The following SOX5 variants were observed in gnomAD, a reference collection of about 807,000 sequenced individuals.
SOX5 encodes the protein SRY-box transcription factor 5, also known as transcription factor SOX-5.
In SOX5, 9 loss-of-function variants were observed where a neutral mutation model predicts 92.0. The observed-to-expected ratio is 0.10, with a 90% confidence interval of 0.06 to 0.17. The LOEUF (loss-of-function observed/expected upper bound fraction) is 0.17, where lower values mean the gene tolerates loss of function less well. Among genes scored for constraint, SOX5 ranks in the 10% least tolerant of loss-of-function variants. The pLI is 1.00. For missense variants in SOX5, 642 were observed against 944.5 expected (o/e 0.68, Z 4.20); for synonymous variants, 344 against 336.3 (o/e 1.02, Z -0.25).
rs1555289199 is a variant in SOX5 at position 23,719,801 on chromosome 12, A to AAAC, written c.810+14882_810+14883insGTT. ...CCAGCTATTTACCAAAAAAAAAAAA[A>AAAC]AAAAAAAAAACTGATGGATAGTTAT... On this transcript the variant is annotated intron_variant, in intron 6 of 14. Coordinates refer to ENST00000451604, the MANE Select transcript of SOX5 (RefSeq NM_006940.6). Among the ~76,000 whole-genome samples, 9 of 150,152 alleles carry AAAC rather than the reference A, an allele frequency of 6.0e-5. No individual in the cohort carries two copies. The South Asian group carries it at 1.9e-3, about 32-fold the overall frequency.
At chr12:24,466,737 G>T (rs1167820516) in intron 1 of SOX5, among the ~76,000 whole-genome samples, 1 of 152,122 alleles carries the variant, frequency 6.6e-6, no homozygotes, top group East Asian at 1.9e-4. Context: ...GATTACCCAT[G>T]ACATTTTTCA....
chr12:23,693,372 C>T (rs753423809), intron 6 of SOX5, among the ~76,000 whole-genome samples: 4 of 152,148 alleles, frequency 2.6e-5, no homozygotes, highest in Non-Finnish European at 2.9e-5. Context: ...GATCCACCTG[C>T]CTCAGCCTCC....
chr12:23,947,466 T>C (rs1038758057), intron 1 of SOX5, among the ~76,000 whole-genome samples: 8 of 152,076 alleles, frequency 5.3e-5, no homozygotes, highest in Middle Eastern at 3.4e-3. Flanking sequence ...TGGGTGCCTA[T>C]AGAGACACTC....
At chr12:24,559,636 T>C (rs1161909181) in intron 1 of SOX5, among the ~76,000 whole-genome samples, 3 of 152,080 alleles carry the variant, frequency 2.0e-5, no homozygotes, top group Admixed American at 1.3e-4. Flanking sequence ...TTCCTTTAAC[T>C]GGAAAAGGTA....
intron 3 of SOX5, among the ~76,000 whole-genome samples, chr12:23,816,625 C>A: frequency 6.6e-6 from 1 of 152,104 alleles, no homozygotes; most frequent in Non-Finnish European, 1.5e-5. Flanking sequence ...GAGGTAAAGG[C>A]ATTGCAACCA....
At chr12:23,825,156 T>C (rs1174210791) in intron 3 of SOX5, among the ~76,000 whole-genome samples, 2 of 152,042 alleles carry the variant, frequency 1.3e-5, no homozygotes, top group African/African-American at 4.8e-5. Context: ...AAACTGCAGC[T>C]AGCTCAGTGC....
intron 1 of SOX5, among the ~76,000 whole-genome samples, chr12:24,378,356 G>A (rs751838733): frequency 1.3e-5 from 2 of 152,106 alleles, no homozygotes; most frequent in African/African-American, 4.8e-5. Flanking sequence ...TTTTGCATCC[G>A]ATTTCCTGCC....
At chr12:24,485,466 G>A (rs12818782) in intron 1 of SOX5, among the ~76,000 whole-genome samples, 13,866 of 152,152 alleles carry the variant, frequency 0.091, 693 homozygotes, top group South Asian at 0.15. Context: ...AGTGATGTAC[G>A]GGAAAATGAC....
At chr12:23,618,233 A>G (rs893354977) in intron 8 of SOX5, among the ~76,000 whole-genome samples, 8 of 152,176 alleles carry the variant, frequency 5.3e-5, no homozygotes, top group Admixed American at 1.3e-4. Flanking sequence ...AGCAACGGTA[A>G]GAAGAGAAAT....
intron 3 of SOX5, among the ~76,000 whole-genome samples, chr12:24,222,238 C>G (rs1339385011): frequency 6.6e-6 from 1 of 152,142 alleles, no homozygotes; most frequent in East Asian, 1.9e-4. Flanking sequence ...CTGCCCTGGT[C>G]TTTTGACCAC....
In SOX5 at chr12:23,538,021, C is replaced by T. The variant is rs1321224792; in HGVS notation, c.1772-1352G>A. On this transcript the variant is annotated intron_variant, in intron 13 of 14. Transcript: ENST00000451604. The stretch of plus-strand genomic sequence containing the variant: ...TTATCTGCAAATAGTCATCTCAACT[C>T]AACGCGAATGCACAAAGACCGATAA... 2.0e-5 allele frequency among the ~76,000 whole-genome samples: 3 copies of T among 151,828 alleles called. No individual in the cohort carries two copies. The East Asian group carries it at 5.8e-4, about 29-fold the overall frequency.
At chr12:24,049,217 T>TAGTGTGTTAGGTCA (rs1367186832) in intron 4 of SOX5, among the ~76,000 whole-genome samples, 2 of 152,190 alleles carry the variant, frequency 1.3e-5, no homozygotes, top group Non-Finnish European at 2.9e-5. Context: ...AGTAAAGCTT[T>TAGTGTGTTAGGTCA]AGTGTGTTAG....
At chr12:23,954,397 G>A (rs1334322084), upstream of SOX5, among the ~76,000 whole-genome samples, 1 of 151,622 alleles carries the variant, frequency 6.6e-6, no homozygotes, top group African/African-American at 2.4e-5. Context: ...TTTTGCCTGT[G>A]CTGTTATTTA....
At chr12:23,764,546 G>T (rs1486312055) in intron 3 of SOX5, among the ~76,000 whole-genome samples, 1 of 151,952 alleles carries the variant, frequency 6.6e-6, no homozygotes, top group African/African-American at 2.4e-5. Context: ...TATGCCTACT[G>T]ATATATTTAA....
rs61910381 is a variant in SOX5, at chr12:24,436,919, G to A, written c.-250-68280C>T. 4.2e-3 allele frequency among the ~76,000 whole-genome samples: 637 copies of A among 152,190 alleles called. 2 individuals are homozygous for A. Among genetic ancestry groups the A allele is most frequent in the South Asian group, 8.5e-3 (41 of 4,820 alleles). On this transcript the variant is annotated intron_variant, in intron 1 of 4. Transcript: ENST00000446891. ...AGAATTGGAGTAAATCTACTCTGCC[G>A]GAGCAGTAAAAGTGAAACAACAAAA...
chr12:23,836,347 G>T (rs957898485), intron 3 of SOX5, among the ~76,000 whole-genome samples: 2 of 151,742 alleles, frequency 1.3e-5, no homozygotes, highest in Non-Finnish European at 2.9e-5. Context: ...GGATAAATAA[G>T]AACAAATAAG....
At chr12:24,216,917 G>C (rs903962569) in intron 3 of SOX5, among the ~76,000 whole-genome samples, 3 of 152,182 alleles carry the variant, frequency 2.0e-5, no homozygotes, top group African/African-American at 7.2e-5. Flanking sequence ...AACAGAGCAA[G>C]ACTCCATCTT....
intron 1 of SOX5, among the ~76,000 whole-genome samples, chr12:24,523,340 A>T (rs1950418687): frequency 1.3e-5 from 2 of 152,208 alleles, no homozygotes; most frequent in Admixed American, 6.5e-5. Flanking sequence ...ATTAGATGCA[A>T]TCCCTATCAA....
chr12:24,355,047 T>A (rs1224884670), intron 2 of SOX5, among the ~76,000 whole-genome samples: 2 of 152,274 alleles, frequency 1.3e-5, no homozygotes, highest in Non-Finnish European at 2.9e-5. Context: ...TCACAAGATT[T>A]TAGGGGTGGA....
Sources: allele counts gnomAD v4.1 joint callset (sites outside exome capture counted in the v4.1 genomes callset), GRCh38; gene constraint gnomAD v4.1.1; transcripts MANE v1.5; gene names NCBI Gene and HGNC (gene_info 2026-07-23, HGNC 2026-07-21).